The following BAZ2B variants were observed in gnomAD, a reference collection of about 807,000 sequenced individuals.
The protein encoded by BAZ2B is bromodomain adjacent to zinc finger domain 2B.
BAZ2B carries 91 observed loss-of-function variants against 246.0 expected under a neutral mutation model. The ratio of observed to expected loss-of-function variants is 0.37; its 90% CI spans 0.31 to 0.44. BAZ2B has a LOEUF of 0.44. BAZ2B is among the 20% of genes least tolerant of loss of function. BAZ2B has a pLI of 1.00. For synonymous variants in BAZ2B, 855 were observed against 860.0 expected (o/e 0.99, Z 0.10); for missense variants, 2,332 against 2,533.7 (o/e 0.92, Z 1.71).
intron 34 of BAZ2B, among the ~76,000 whole-genome samples, chr2:159,326,691 C>G (rs13408741): frequency 0.24 from 36,372 of 152,062 alleles, 4,457 homozygotes; most frequent in Middle Eastern, 0.31. Flanking sequence ...TGACAAGCCA[C>G]ATACTTGCTA....
chr2:159,472,956 C>T (rs559412423), intron 3 of BAZ2B, among the ~76,000 whole-genome samples: 3 of 152,036 alleles, frequency 2.0e-5, no homozygotes, highest in South Asian at 4.1e-4. Flanking sequence ...CTTTTTTTGT[C>T]GTGTCTCTGC....
Position 159,412,519 on chromosome 2 carries a change from T to C in BAZ2B, c.2493A>G (p.Glu831=). The C allele has an allele frequency of 6.2e-7, 1 of 1,614,012 alleles. No homozygotes were observed. Among genetic ancestry groups the C allele is most frequent in the South Asian group, 1.1e-5 (1 of 91,078 alleles). The change falls in exon 14 of 37, where the codon GAA becomes GAG. Residue 831 remains glutamate, a synonymous_variant. Transcript: ENST00000392783. The part of the protein sequence containing the change: ...PQGMQWCLLK[E]EDVIPRIRAM... ...CCCTGATACGAGGAATGACATCCTC[T>C]TCTTTCAAAAGACACCACTGCATTC...
chr2:159,384,903 T>C (rs2062444839), intron 23 of BAZ2B, among the ~76,000 whole-genome samples: 1 of 152,060 alleles, frequency 6.6e-6, no homozygotes, highest in Non-Finnish European at 1.5e-5. Flanking sequence ...ACAGAATTAT[T>C]AAACAAAACA....
the BAZ2B span, among the ~76,000 whole-genome samples, chr2:159,662,908 T>C: frequency 6.6e-6 from 1 of 152,218 alleles, no homozygotes; most frequent in Non-Finnish European, 1.5e-5. Context: ...TTCATTTCCC[T>C]GATGGCTAAT....
chr2:159,350,112 G>T lies in BAZ2B; in HGVS notation c.4459C>A (p.Pro1487Thr), dbSNP rs369556883. The change falls in exon 28 of 37, where the codon CCC (proline) becomes ACC (threonine). Residue 1487 changes from proline to threonine, a missense_variant. Around this residue, in one of 9 missense-constraint regions of BAZ2B, gnomAD observed 676 missense variants for 668.6 expected, o/e 1.01. Coordinates refer to ENST00000392783, the MANE Select transcript of BAZ2B (RefSeq NM_013450.4). ...KMPPESEVMT[P>T]KPNAGANGCT... ...CCATTTGCACCAGCATTTGGTTTGG[G>T]GGTCATAACCTCTGACTCAGGAGGC... The T allele has an allele frequency of 6.2e-7, 1 of 1,614,046 alleles. No individual in the cohort carries two copies. Among genetic ancestry groups the T allele is most frequent in the Non-Finnish European group, 8.5e-7 (1 of 1,180,000 alleles).
At chr2:159,481,857 A>G (rs1442781213) in intron 2 of BAZ2B, among the ~76,000 whole-genome samples, 1 of 151,984 alleles carries the variant, frequency 6.6e-6, no homozygotes. Flanking sequence ...TTAGTGTGAG[A>G]CCTAGGATCC....
intron 2 of BAZ2B, among the ~76,000 whole-genome samples, chr2:159,513,784 T>C (rs919847320): frequency 6.6e-6 from 1 of 152,150 alleles, no homozygotes; most frequent in African/African-American, 2.4e-5. Context: ...ATTCTAAACA[T>C]AGCAGCTGGA....
chr2:159,636,219 G>A, the BAZ2B span, among the ~76,000 whole-genome samples: 5 of 152,236 alleles, frequency 3.3e-5, no homozygotes, highest in Non-Finnish European at 7.3e-5. Flanking sequence ...AGTAAGGTGA[G>A]CAATCACAGT....
At chr2:159,609,915 T>C (rs896641763) in intron 1 of BAZ2B, among the ~76,000 whole-genome samples, 2 of 152,082 alleles carry the variant, frequency 1.3e-5, no homozygotes, top group Non-Finnish European at 2.9e-5. Flanking sequence ...AAATTATGAA[T>C]ATGCAACCAA....
rs2081952103 is a variant in BAZ2B at position 159,502,504 on chromosome 2, C to A, written c.-2-23783G>T. Among the ~76,000 whole-genome samples, 2 of 151,368 alleles carry A rather than the reference C, an allele frequency of 1.3e-5. 1 individual carries two copies. Among genetic ancestry groups the A allele is most frequent in the Non-Finnish European group, 2.9e-5 (2 of 67,904 alleles). ...AAAAAATTAGCCAAGCATGGTGGCA[C>A]GTGCTTGTGGTCCCAGATTCTTGGG... On this transcript the variant is annotated intron_variant, in intron 2 of 36. Coordinates refer to ENST00000392783, the MANE Select transcript of BAZ2B (RefSeq NM_013450.4).
chr2:159,349,624 G>T, intron 28 of BAZ2B, 84 bp downstream of exon 28: 4 of 1,363,836 alleles, frequency 2.9e-6, no homozygotes, highest in Non-Finnish European at 4.0e-6. Context: ...AACTATCTGA[G>T]TGAGCCCCCT....
At position 159,446,990 on chromosome 2, in the gene BAZ2B, T is replaced by C. The variant is rs748908228; in HGVS notation, c.503-15A>G. The stretch of plus-strand genomic sequence containing the variant: ...CCCATTTACACCTTGAAAATAAAAA[T>C]AAACATGTTTATACAATGGAATATT... On this transcript the variant is annotated splice_polypyrimidine_tract_variant and intron_variant, in intron 5 of 36. Coordinates refer to ENST00000392783, the MANE Select transcript of BAZ2B (RefSeq NM_013450.4). The C allele has an allele frequency of 1.3e-6, 2 of 1,511,706 alleles. No homozygotes were observed. Among genetic ancestry groups the C allele is most frequent in the Non-Finnish European group, 1.8e-6 (2 of 1,122,646 alleles). The allele number at this position is 1,511,706 out of a possible 1,614,324, so 93.6% of individuals were successfully genotyped here. A position where few individuals can be genotyped will look rare whatever the true frequency, so the allele number is the denominator to read the frequency against.
the BAZ2B span, chr2:159,689,372 CTTTTTTT>C: frequency 1.2e-5 from 2 of 165,930 alleles, no homozygotes; most frequent in South Asian, 7.4e-5. Context: ...TTTTACTTTC[CTTTTTTT>C]TTTTTTTTTT....
chr2:159,491,527 C>T (rs1039783035), intron 2 of BAZ2B, among the ~76,000 whole-genome samples: 3 of 149,510 alleles, frequency 2.0e-5, no homozygotes, highest in South Asian at 2.1e-4. Flanking sequence ...GAGACCATCC[C>T]GGCTAAAACG....
chr2:159,503,668 C>A (rs546918431), intron 2 of BAZ2B, among the ~76,000 whole-genome samples: 1 of 152,124 alleles, frequency 6.6e-6, no homozygotes, highest in Admixed American at 6.6e-5. Context: ...CAACCTCCCC[C>A]TCCCGGGTTC....
intron 1 of BAZ2B, among the ~76,000 whole-genome samples, chr2:159,556,651 A>G (rs2089173940): frequency 6.6e-6 from 1 of 152,070 alleles, no homozygotes; most frequent in Non-Finnish European, 1.5e-5. Flanking sequence ...TTGTAGAGAC[A>G]GTGTTTCGCT....
chr2:159,694,275 G>C, the BAZ2B span: 1 of 152,160 alleles, frequency 6.6e-6, no homozygotes. Context: ...TTTGACTGTG[G>C]ACTTCTAGAC....
At chr2:159,402,048 G>T (rs1399876540) in intron 16 of BAZ2B, among the ~76,000 whole-genome samples, 1 of 152,122 alleles carries the variant, frequency 6.6e-6, no homozygotes, top group East Asian at 1.9e-4. Flanking sequence ...GCAGGATGAT[G>T]AAATTTTAGG....
intron 27 of BAZ2B, among the ~76,000 whole-genome samples, chr2:159,363,829 T>C (rs1442750317): frequency 6.6e-6 from 1 of 152,010 alleles, no homozygotes; most frequent in Admixed American, 6.6e-5. Flanking sequence ...ACTTGAATAA[T>C]TATTGGGAGA....
Sources: gnomAD v4.1 joint callset for allele counts (sites outside exome capture counted in the v4.1 genomes callset) on GRCh38, gnomAD v4.1.1 for gene constraint, gnomAD v4.1.1 regional missense constraint, MANE v1.5 for transcripts, NCBI Gene and HGNC (gene_info 2026-07-23, HGNC 2026-07-21) for gene names.